CCDC7: variants seen among roughly 807,000 people sequenced by gnomAD.
The protein encoded by CCDC7 is coiled-coil domain containing 7.
CCDC7 carries 183 observed loss-of-function variants against 196.9 expected under a neutral mutation model. That is an observed-to-expected ratio of 0.93 (90% CI 0.82 to 1.05). The LOEUF is 1.05. CCDC7 is among the 50% of genes least tolerant of loss of function. CCDC7 has a pLI of 0.00. For synonymous variants in CCDC7, 525 were observed against 484.6 expected (o/e 1.08, Z -1.10); for missense variants, 1,540 against 1,482.2 (o/e 1.04, Z -0.64).
chr10:32,794,454 A>G (rs970783186), intron 29 of CCDC7, among the ~76,000 whole-genome samples: 1 of 152,198 alleles, frequency 6.6e-6, no homozygotes, highest in Non-Finnish European at 1.5e-5. Flanking sequence ...TGGCATTGTT[A>G]GGACAAATGG....
At chr10:32,745,692 T>C (rs913868654) in intron 28 of CCDC7, among the ~76,000 whole-genome samples, 2 of 152,150 alleles carry the variant, frequency 1.3e-5, no homozygotes, top group African/African-American at 2.4e-5. Flanking sequence ...CCAAATAATG[T>C]CAGCCATTCT....
chr10:32,564,156 T>C (rs1230048399), intron 13 of CCDC7, among the ~76,000 whole-genome samples: 5 of 152,082 alleles, frequency 3.3e-5, no homozygotes, highest in East Asian at 3.9e-4. Flanking sequence ...AAACAACAGG[T>C]GCTAGAGAGG....
intron 13 of CCDC7, among the ~76,000 whole-genome samples, chr10:32,551,598 A>G (rs2053487600): frequency 6.6e-6 from 1 of 152,010 alleles, no homozygotes; most frequent in African/African-American, 2.4e-5. Context: ...AGGTTGTGTC[A>G]TTATTGTCAT....
chr10:32,833,862 G>A (rs959950542), intron 32 of CCDC7, among the ~76,000 whole-genome samples: 11 of 152,012 alleles, frequency 7.2e-5, no homozygotes, highest in African/African-American at 2.7e-4. Context: ...TTTCTCCAGA[G>A]CAAAACTTCT....
chr10:32,530,733 A>G (rs1335270600), intron 11 of CCDC7, among the ~76,000 whole-genome samples: 3 of 152,034 alleles, frequency 2.0e-5, no homozygotes, highest in Non-Finnish European at 2.9e-5. Context: ...TTCCTTTACA[A>G]TTTGGATTCC....
chr10:32,762,760 G>A (rs2133891876), intron 28 of CCDC7, among the ~76,000 whole-genome samples: 1 of 151,920 alleles, frequency 6.6e-6, no homozygotes, highest in South Asian at 2.1e-4. Flanking sequence ...GACACAATGG[G>A]AGAATGACCA....
chr10:32,860,976 C>A (rs949212655), intron 41 of CCDC7, among the ~76,000 whole-genome samples: 1 of 151,928 alleles, frequency 6.6e-6, no homozygotes, highest in African/African-American at 2.4e-5. Flanking sequence ...GTGAAAATGG[C>A]CATACTGCCC....
intron 11 of CCDC7, among the ~76,000 whole-genome samples, chr10:32,532,903 T>G (rs189850355): frequency 6.6e-6 from 1 of 152,062 alleles, no homozygotes; most frequent in South Asian, 2.1e-4. Context: ...TCTTGTTTCT[T>G]TACTCATTCA....
chr10:32,742,462 C>T (rs2086019784), intron 28 of CCDC7, among the ~76,000 whole-genome samples: 1 of 152,196 alleles, frequency 6.6e-6, no homozygotes, highest in Non-Finnish European at 1.5e-5. Context: ...AATAGTTTCA[C>T]TGCCCTAAAC....
At chr10:32,689,211 C>A in intron 23 of CCDC7, 48 bp downstream of exon 24, 1 of 1,187,334 alleles carries the variant, frequency 8.4e-7, no homozygotes, top group Non-Finnish European at 1.2e-6. Context: ...AAAGTAAGTT[C>A]ATCCGAAGGT....
At chr10:32,685,219 T>TG (rs932303589) in intron 21 of CCDC7, among the ~76,000 whole-genome samples, 1 of 151,642 alleles carries the variant, frequency 6.6e-6, no homozygotes, top group Non-Finnish European at 1.5e-5. Flanking sequence ...GATTTTTTTT[T>TG]TTTCACTTAA....
chr10:32,867,635 G>A (rs1200879564), intron 41 of CCDC7, among the ~76,000 whole-genome samples: 2 of 151,230 alleles, frequency 1.3e-5, no homozygotes, highest in African/African-American at 4.9e-5. Context: ...AATATAAGTA[G>A]GCAATTCACA....
chr10:32,574,446 G>C (rs1262766990), intron 16 of CCDC7: 18 of 1,592,838 alleles, frequency 1.1e-5, no homozygotes, highest in Non-Finnish European at 1.5e-5. Flanking sequence ...TAGAGTTTCT[G>C]AAATACTTTG....
chr10:32,811,832 C>CA (rs2087202825), intron 30 of CCDC7, among the ~76,000 whole-genome samples: 3 of 152,144 alleles, frequency 2.0e-5, no homozygotes, highest in Admixed American at 6.5e-5. Flanking sequence ...AAAATGCTAG[C>CA]AAACCAAATT....
chr10:32,683,516 T>A (rs1393396750), intron 21 of CCDC7, among the ~76,000 whole-genome samples: 1 of 152,194 alleles, frequency 6.6e-6, no homozygotes, highest in Non-Finnish European at 1.5e-5. Flanking sequence ...TAGGTTTTTC[T>A]TATTCTGTAG....
At chr10:32,794,074 T>C (rs1025155567) in intron 29 of CCDC7, among the ~76,000 whole-genome samples, 2 of 152,114 alleles carry the variant, frequency 1.3e-5, no homozygotes, top group South Asian at 4.1e-4. Flanking sequence ...GTGGTGAGCA[T>C]AGTACTCCAT....
At position 32,715,895 on chromosome 10, in the gene CCDC7, G is replaced by C. The variant is rs116386870; in HGVS notation, c.2569+4165G>C. 7.2e-3 allele frequency among the ~76,000 whole-genome samples: 1,095 copies of C among 152,258 alleles called. 17 individuals are homozygous for C. The highest frequency in any genetic ancestry group is 0.024 in the African/African-American group (979 of 41,542). ...CCAAGAAAGCCTCTAAGATATATGG[G>C]ACTATGTGAAAAGACCAAACTTAAC... is the stretch of plus-strand genomic sequence containing the variant. On this transcript the variant is annotated intron_variant, in intron 25 of 41. Transcript: ENST00000639629.
At chr10:32,568,449 T>C (rs2057162564) in intron 15 of CCDC7, among the ~76,000 whole-genome samples, 1 of 152,196 alleles carries the variant, frequency 6.6e-6, no homozygotes, top group Admixed American at 6.5e-5. Flanking sequence ...TTTTACCTTC[T>C]CTTTTTGTGT....
At chr10:32,722,865 A>G (rs937161196) in intron 25 of CCDC7, among the ~76,000 whole-genome samples, 5 of 152,076 alleles carry the variant, frequency 3.3e-5, no homozygotes, top group Non-Finnish European at 7.4e-5. Context: ...AAGAAATGCA[A>G]TGCTCCTCTA....
Sources: allele counts gnomAD v4.1 joint callset (sites outside exome capture counted in the v4.1 genomes callset), GRCh38; gene constraint gnomAD v4.1.1; transcripts MANE v1.5; gene names NCBI Gene and HGNC (gene_info 2026-07-23, HGNC 2026-07-21).